ZNF140: variants seen among roughly 807,000 people sequenced by gnomAD.
The protein encoded by ZNF140 is zinc finger protein 140, also known as zinc finger protein 140 (clone pHZ-39).
In ZNF140, 13 loss-of-function variants were observed where a neutral mutation model predicts 12.9. That is an observed-to-expected ratio of 1.01 (90% CI 0.66 to 1.60). ZNF140 has a LOEUF of 1.60. Among genes scored for constraint, ZNF140 ranks in the 40% most tolerant of loss-of-function variants. ZNF140 has a pLI of 0.00. For missense variants in ZNF140, 531 were observed against 548.8 expected, an observed-to-expected ratio of 0.97 and a Z score of 0.32; for synonymous variants, 214 against 186.7, an observed-to-expected ratio of 1.15 and a Z score of -1.19.
At chr12:133,103,568 C>T (rs1331728071) in intron 4 of ZNF140, among the ~76,000 whole-genome samples, 12 of 151,984 alleles carry the variant, frequency 7.9e-5, no homozygotes, top group African/African-American at 2.2e-4. Flanking sequence ...CCACCACACC[C>T]GGCCCCAACA....
intron 4 of ZNF140, among the ~76,000 whole-genome samples, chr12:133,098,792 C>T (rs2137555770): frequency 6.6e-6 from 1 of 151,488 alleles, no homozygotes; most frequent in East Asian, 2.0e-4. Context: ...GCAACCTCTG[C>T]CTCCCGGGTC....
intron 4 of ZNF140, chr12:133,083,993 C>A: frequency 3.5e-6 from 1 of 286,516 alleles, no homozygotes. Context: ...GGTATAAAGA[C>A]TGAAGTTTCA....
At chr12:133,096,103 A>C (rs1241601341) in intron 4 of ZNF140, among the ~76,000 whole-genome samples, 1 of 151,620 alleles carries the variant, frequency 6.6e-6, no homozygotes. Flanking sequence ...GCCATATTTC[A>C]GACTATCACA....
At chr12:133,098,917 T>C (rs1418472535) in intron 4 of ZNF140, among the ~76,000 whole-genome samples, 5 of 152,204 alleles carry the variant, frequency 3.3e-5, no homozygotes, top group Non-Finnish European at 5.9e-5. Flanking sequence ...AGAGTCTTGC[T>C]CTGTCACCCA....
At chr12:133,095,784 G>C (rs534894135) in intron 4 of ZNF140, among the ~76,000 whole-genome samples, 191 of 151,708 alleles carry the variant, frequency 1.3e-3, no homozygotes, top group African/African-American at 3.5e-3. Context: ...ACTATGCCTG[G>C]ATGTGCACGT....
At chr12:133,081,144 T>G in intron 1 of ZNF140, 72 bp downstream of exon 1, 1 of 309,710 alleles carries the variant, frequency 3.2e-6, no homozygotes, top group Non-Finnish European at 6.4e-6. Flanking sequence ...GCGCGATCTC[T>G]CAGGGCGCCC....
rs982425300 is a variant in ZNF140 at position 133,091,045 on chromosome 12, G to A, written c.232+7484G>A. Among the ~76,000 whole-genome samples the A allele has an allele frequency of 7.1e-4, 106 of 148,724 alleles. 2 individuals carry two copies. Among genetic ancestry groups the A allele is most frequent in the Non-Finnish European group, 1.3e-3 (89 of 66,978 alleles). On this transcript the variant is annotated intron_variant, in intron 4 of 4. Transcript: ENST00000355557. ...TTCCCAGGGGCAGACAGGAGACAGT[G>A]GCCTTCCTCTATCTCAACTGCAAGA...
chr12:133,099,774 A>G (rs1335564356), intron 4 of ZNF140, among the ~76,000 whole-genome samples: 2 of 152,298 alleles, frequency 1.3e-5, no homozygotes, highest in South Asian at 2.1e-4. Context: ...TCTGACCTGT[A>G]TCATTTTCCA....
chr12:133,086,661 C>CA (rs1219171195), intron 4 of ZNF140, among the ~76,000 whole-genome samples: 1 of 152,010 alleles, frequency 6.6e-6, no homozygotes, highest in Non-Finnish European at 1.5e-5. Context: ...TCAGATGTAT[C>CA]AATCTTTTCT....
chr12:133,102,909 A>G (rs541155923), intron 4 of ZNF140, among the ~76,000 whole-genome samples: 2 of 152,328 alleles, frequency 1.3e-5, no homozygotes, highest in East Asian at 3.9e-4. Flanking sequence ...GTGAAGGGCT[A>G]TGTAATTAGC....
chr12:133,082,835 A>G, intron 2 of ZNF140: 2 of 291,974 alleles, frequency 6.8e-6, no homozygotes, highest in Non-Finnish European at 1.3e-5. Context: ...CCAAAAATCC[A>G]TATTGTTCAT....
chr12:133,093,338 C>G (rs1419901748), intron 4 of ZNF140: 2 of 665,282 alleles, frequency 3.0e-6, no homozygotes, highest in Non-Finnish European at 5.5e-6. Context: ...CATAGGGAGA[C>G]TTACCACCGT....
At chr12:133,093,442 T>G in intron 4 of ZNF140, 1 of 699,948 alleles carries the variant, frequency 1.4e-6, no homozygotes, top group Non-Finnish European at 2.6e-6. Context: ...TGTGTCAGCT[T>G]CTTTAGCTGG....
intron 4 of ZNF140, among the ~76,000 whole-genome samples, chr12:133,098,736 G>C (rs888485638): frequency 6.6e-6 from 1 of 151,966 alleles, no homozygotes; most frequent in Admixed American, 6.6e-5. Flanking sequence ...ACAGAGTCTC[G>C]CTCTGTTGCC....
rs200541042 is a variant in ZNF140, at chr12:133,081,305, T to C, written c.-16T>C. 2.0e-3 allele frequency: 3,064 copies of C among 1,516,404 alleles called. 11 individuals are homozygous for C. The highest frequency in any genetic ancestry group is 2.4e-3 in the Non-Finnish European group (2,655 of 1,117,850). The allele number at this position is 1,516,404 out of a possible 1,614,324, so 93.9% of individuals were successfully genotyped here. ...ATTTTACACTTTTCTGATCTCCTCC[T>C]TCCCTTCTGTGAGCTATGTCTCAGG... On this transcript the variant is annotated 5_prime_UTR_variant, in exon 2 of 5. Transcript: ENST00000355557.
At chr12:133,089,638 G>A (rs1196783092) in intron 4 of ZNF140, among the ~76,000 whole-genome samples, 1 of 152,196 alleles carries the variant, frequency 6.6e-6, no homozygotes, top group African/African-American at 2.4e-5. Context: ...TTTGTGGGCA[G>A]AGTTATTCAT....
chr12:133,095,676 A>G (rs997918156), intron 4 of ZNF140, among the ~76,000 whole-genome samples: 5 of 151,828 alleles, frequency 3.3e-5, no homozygotes, highest in Admixed American at 6.5e-5. Context: ...TTTCAGCAAA[A>G]AGGAATGTAG....
At chr12:133,084,172 G>GT (rs1954596994) in intron 4 of ZNF140, 1 of 428,180 alleles carries the variant, frequency 2.3e-6, no homozygotes, top group South Asian at 1.7e-5. Context: ...ATTTCTTTTT[G>GT]TTTTTTCTTT....
chr12:133,082,570 A>G (rs1408444532), intron 2 of ZNF140: 3 of 153,958 alleles, frequency 1.9e-5, no homozygotes, highest in African/African-American at 7.2e-5. Flanking sequence ...TTTATTGCTT[A>G]TCCTCCTTGT....
Sources: allele counts gnomAD v4.1 joint callset (sites outside exome capture counted in the v4.1 genomes callset), GRCh38; gene constraint gnomAD v4.1.1; transcripts MANE v1.5; gene names NCBI Gene and HGNC (gene_info 2026-07-23, HGNC 2026-07-21).